The following MYO18B variants were observed in gnomAD, a reference collection of about 807,000 sequenced individuals.
The protein encoded by MYO18B is unconventional myosin-XVIIIb.
MYO18B carries 204 observed loss-of-function variants against 273.0 expected under a neutral mutation model. That is an observed-to-expected ratio of 0.75 (90% confidence interval 0.67 to 0.84). The LOEUF is 0.84. Ranked by LOEUF, MYO18B falls within the 40% of genes least tolerant of loss-of-function variation. The pLI is 0.00. For missense variants in MYO18B, 3,212 were observed against 3,287.6 expected, an observed-to-expected ratio of 0.98 and a Z score of 0.56; for synonymous variants, 1,330 against 1,305.7, an observed-to-expected ratio of 1.02 and a Z score of -0.40.
intron 37 of MYO18B, among the ~76,000 whole-genome samples, chr22:25,951,153 T>C (rs778952339): frequency 6.6e-6 from 1 of 152,160 alleles, no homozygotes; most frequent in Non-Finnish European, 1.5e-5. Context: ...GCCCACTGAC[T>C]CAGATGTTAA....
intron 11 of MYO18B, among the ~76,000 whole-genome samples, chr22:25,792,211 C>G (rs1237719940): frequency 6.6e-6 from 1 of 152,192 alleles, no homozygotes; most frequent in Non-Finnish European, 1.5e-5. Context: ...AGTAACTTCA[C>G]CTCTCTGAGT....
intron 17 of MYO18B, among the ~76,000 whole-genome samples, chr22:25,843,208 G>T (rs923511157): frequency 6.6e-6 from 1 of 152,074 alleles, no homozygotes; most frequent in African/African-American, 2.4e-5. Flanking sequence ...TCTTGGAACC[G>T]ATGTGCCTGT....
At chr22:25,906,339 C>T (rs1475982110) in intron 31 of MYO18B, among the ~76,000 whole-genome samples, 1 of 152,154 alleles carries the variant, frequency 6.6e-6, no homozygotes, top group Non-Finnish European at 1.5e-5. Flanking sequence ...GGATTATCTT[C>T]CCACAACCCC....
At chr22:25,888,156 T>A (rs2091555974) in intron 25 of MYO18B, among the ~76,000 whole-genome samples, 1 of 152,204 alleles carries the variant, frequency 6.6e-6, no homozygotes, top group Non-Finnish European at 1.5e-5. Context: ...CAGTAATTCC[T>A]AAATTTTTTT....
chr22:25,885,685 A>G (rs2091477089), intron 25 of MYO18B, among the ~76,000 whole-genome samples: 1 of 152,156 alleles, frequency 6.6e-6, no homozygotes. Context: ...AGGGGAGGGC[A>G]GGACCAAAGG....
rs116320196 is a variant in MYO18B, at chr22:25,846,402, G to C, written c.3552+119G>C. 2.1e-3 allele frequency: 2,341 copies of C among 1,106,230 alleles called. 36 individuals are homozygous for C. In the African/African-American group the frequency reaches 0.029, roughly 14 times the overall value. 68.5% of individuals were successfully genotyped at this position (1,106,230 alleles called of 1,614,324 possible). On this transcript the variant is annotated intron_variant, in intron 19 of 43. Coordinates refer to ENST00000335473, the MANE Select transcript of MYO18B (RefSeq NM_032608.7). The stretch of plus-strand genomic sequence containing the variant: ...CTCCCCAGCAAGGCCAGAGGGGCGA[G>C]TGTCACCCCACGCTCCACAGAGGAG...
chr22:25,787,194 GACAGAGCGAGAC>G (rs1395817771), intron 11 of MYO18B, among the ~76,000 whole-genome samples: 1 of 151,506 alleles, frequency 6.6e-6, no homozygotes, highest in Non-Finnish European at 1.5e-5. Context: ...CAGCGTGGGA[GACAGAGCGAGAC>G]TCTGTCTCAG....
chr22:25,903,716 T>TG lies in MYO18B; in HGVS notation c.5038dup (p.Glu1680GlyfsTer20), dbSNP rs1569172839. On this transcript the variant is annotated frameshift_variant, in exon 31 of 44. Coordinates refer to ENST00000335473, the MANE Select transcript of MYO18B (RefSeq NM_032608.7). LOFTEE classifies it high-confidence loss of function. The stretch of plus-strand genomic sequence containing the variant: ...CGGGAGCTGCTGGGGTCACCCTCTC[T>TG]GGGGGAAAATTGCGTTGCTGGCTTG... 1 of 1,608,492 alleles carries TG rather than the reference T, an allele frequency of 6.2e-7. No individual in the cohort carries two copies. The highest frequency in any genetic ancestry group is 8.5e-7 in the Non-Finnish European group (1 of 1,177,432).
chr22:26,035,800 G>C (rs1936766724), downstream of MYO18B, among the ~76,000 whole-genome samples: 6 of 152,350 alleles, frequency 3.9e-5, no homozygotes, highest in South Asian at 1.2e-3. Context: ...AGAAAGAGGA[G>C]TTGGTCAACA....
chr22:25,868,188 G>C (rs2090944304), intron 21 of MYO18B, 132 bp from the exon 22 acceptor site: 2 of 737,924 alleles, frequency 2.7e-6, no homozygotes, highest in African/African-American at 3.5e-5. Context: ...GTGGGGCTCT[G>C]TTAGCCAAAG....
chr22:25,888,345 C>G (rs2091563240), intron 25 of MYO18B, among the ~76,000 whole-genome samples: 1 of 152,110 alleles, frequency 6.6e-6, no homozygotes, highest in Non-Finnish European at 1.5e-5. Flanking sequence ...CTGCTGCAGC[C>G]TAAACCCCTG....
At chr22:25,919,363 A>T (rs2092307814) in intron 33 of MYO18B, among the ~76,000 whole-genome samples, 1 of 152,218 alleles carries the variant, frequency 6.6e-6, no homozygotes, top group Admixed American at 6.5e-5. Context: ...GCCACTTACT[A>T]GCTGTGTGAT....
intron 12 of MYO18B, among the ~76,000 whole-genome samples, chr22:25,799,131 T>TTGTGTGTGTGTGTGTGTG (rs61488241): frequency 1.7e-4 from 24 of 145,250 alleles, no homozygotes; most frequent in South Asian, 6.8e-4. Context: ...GTGTTTACGT[T>TTGTGTGTGTGTGTGTGTG]TGTGTGTGTG....
intron 43 of MYO18B, among the ~76,000 whole-genome samples, chr22:26,029,535 A>G (rs1234758778): frequency 6.6e-6 from 1 of 152,214 alleles, no homozygotes; most frequent in Non-Finnish European, 1.5e-5. Flanking sequence ...GCACACATCC[A>G]TGAGGGGAAC....
At chr22:25,866,667 C>T (rs942447530) in intron 21 of MYO18B, among the ~76,000 whole-genome samples, 3 of 151,494 alleles carry the variant, frequency 2.0e-5, no homozygotes, top group East Asian at 3.9e-4. Context: ...GGTGAAACCT[C>T]GTCTCTGTGA....
chr22:25,886,007 A>G (rs1214424936), intron 25 of MYO18B, among the ~76,000 whole-genome samples: 5 of 152,222 alleles, frequency 3.3e-5, no homozygotes, highest in Non-Finnish European at 4.4e-5. Context: ...GTCAACCCGT[A>G]TTCATTGAGT....
In MYO18B at chr22:25,768,911, A is replaced by T; in HGVS notation, c.995A>T (p.Gln332Leu). The T allele has an allele frequency of 6.2e-7, 1 of 1,612,736 alleles. No homozygotes were observed. The highest frequency in any genetic ancestry group is 8.5e-7 in the Non-Finnish European group (1 of 1,179,368). ...LGRRSKWDGP[Q>L]NKKDKEGVLL... ...AGAAGGAGTAAGTGGGACGGTCCCC[A>T]GAATAAGAAGGACAAAGAAGGGGTG... is the stretch of plus-strand genomic sequence containing the variant. Residue 332 changes from glutamine to leucine, a missense_variant, in exon 4 of 44, where the codon CAG (glutamine) becomes CTG (leucine). Transcript: ENST00000335473.
chr22:25,989,767 C>CAAAA (rs67095758), intron 39 of MYO18B, among the ~76,000 whole-genome samples: 1 of 80,418 alleles, frequency 1.2e-5, no homozygotes, highest in Non-Finnish European at 2.3e-5. Context: ...GACTCCGTCT[C>CAAAA]AAAAAAAAAA....
At position 25,921,400 on chromosome 22, in the gene MYO18B, G is replaced by T; in HGVS notation, c.5508G>T (p.Val1836=). The T allele has an allele frequency of 6.2e-7, 1 of 1,601,440 alleles. No homozygotes were observed. Among genetic ancestry groups the T allele is most frequent in the Non-Finnish European group, 8.5e-7 (1 of 1,174,154 alleles). The change falls in exon 34 of 44, where the codon GTG becomes GTT. Residue 1836 remains valine, a synonymous_variant. Coordinates refer to ENST00000335473, the MANE Select transcript of MYO18B (RefSeq NM_032608.7). The part of the protein sequence containing the change: ...TSVSKEELEK[V]HSQLEQSEAK... ...TCAGCAAGGAGGAGCTGGAGAAAGT[G>T]CACAGCCAGGTGGGTGTCACGGGAT... is the stretch of plus-strand genomic sequence containing the variant.
Sources: gnomAD v4.1 joint callset for allele counts (sites outside exome capture counted in the v4.1 genomes callset) on GRCh38, gnomAD v4.1.1 for gene constraint, MANE v1.5 for transcripts, NCBI Gene and HGNC (gene_info 2026-07-23, HGNC 2026-07-21) for gene names.